The following SYN3 variants were observed in gnomAD, a reference collection of about 807,000 sequenced individuals.
The protein encoded by SYN3 is synapsin-3.
A neutral mutation model predicts 65.8 loss-of-function variants in SYN3; 35 were observed. That is an observed-to-expected ratio of 0.53 (90% CI 0.41 to 0.70). SYN3 has a LOEUF of 0.70. Ranked by LOEUF, SYN3 falls within the 30% of genes least tolerant of loss-of-function variation. SYN3 has a pLI of 0.00. For missense variants in SYN3, 680 were observed against 749.0 expected (o/e 0.91, Z 1.08); for synonymous variants, 270 against 292.9 (o/e 0.92, Z 0.80).
chr22:32,516,727 G>T (rs1398441184), intron 13 of SYN3, among the ~76,000 whole-genome samples: 2 of 152,228 alleles, frequency 1.3e-5, no homozygotes, highest in Non-Finnish European at 2.9e-5. Flanking sequence ...ATAGTTGTTA[G>T]CATGATCCCT....
chr22:32,526,098 T>C (rs1271749328), intron 12 of SYN3, among the ~76,000 whole-genome samples: 1 of 152,240 alleles, frequency 6.6e-6, no homozygotes, highest in Non-Finnish European at 1.5e-5. Flanking sequence ...TTAAGGTATG[T>C]ACTTTGTTTT....
At chr22:32,991,510 C>T (rs953943360) in intron 2 of SYN3, among the ~76,000 whole-genome samples, 10 of 152,134 alleles carry the variant, frequency 6.6e-5, no homozygotes, top group African/African-American at 2.2e-4. Flanking sequence ...GAGGAGGCAT[C>T]GGTTCTCACG....
At chr22:32,891,947 A>G (rs1464758840) in intron 4 of SYN3, among the ~76,000 whole-genome samples, 2 of 151,706 alleles carry the variant, frequency 1.3e-5, no homozygotes, top group Non-Finnish European at 2.9e-5. Flanking sequence ...TTATTTGGAG[A>G]CCAGGTATTG....
chr22:32,663,890 A>T (rs1191964763), intron 6 of SYN3, among the ~76,000 whole-genome samples: 2 of 152,044 alleles, frequency 1.3e-5, no homozygotes, highest in Non-Finnish European at 2.9e-5. Context: ...GAGATAGTGG[A>T]AGGAAAGAAA....
intron 1 of SYN3, among the ~76,000 whole-genome samples, chr22:33,041,344 G>A (rs1277690074): frequency 6.7e-6 from 1 of 149,298 alleles, no homozygotes; most frequent in Non-Finnish European, 1.5e-5. Flanking sequence ...AGGCTGGAGT[G>A]CAGTGGCGCG....
chr22:32,699,141 C>T (rs779864877), intron 6 of SYN3, among the ~76,000 whole-genome samples: 15 of 152,210 alleles, frequency 9.9e-5, no homozygotes, highest in African/African-American at 2.4e-4. Context: ...TTGAGCTTGG[C>T]GGAGCACATT....
chr22:32,897,876 G>C (rs1439899794), intron 4 of SYN3, among the ~76,000 whole-genome samples: 1 of 151,614 alleles, frequency 6.6e-6, no homozygotes, highest in African/African-American at 2.4e-5. Context: ...CTGGAGTGCA[G>C]TGGTGCGATC....
At chr22:32,617,630 C>T (rs975060197) in intron 6 of SYN3, among the ~76,000 whole-genome samples, 7 of 152,128 alleles carry the variant, frequency 4.6e-5, no homozygotes, top group South Asian at 2.1e-4. Context: ...TAAAAAGCCT[C>T]GTAAACTATT....
intron 12 of SYN3, among the ~76,000 whole-genome samples, chr22:32,520,294 TTTTC>T (rs1405310627): frequency 2.6e-5 from 4 of 151,558 alleles, no homozygotes; most frequent in African/African-American, 4.8e-5. Flanking sequence ...CAACACCACT[TTTTC>T]TTTCTGCCTT....
chr22:33,006,704 G>A lies in SYN3; in HGVS notation c.-42C>T. On this transcript the variant is annotated 5_prime_UTR_variant, in exon 2 of 14. Coordinates refer to ENST00000358763, the MANE Select transcript of SYN3 (RefSeq NM_003490.4). Reference sequence around the variant, plus strand: ...AGATGACTGGCTCCTACCCAGACGTGTGTAGGTGAGGCCCAGAAGACAGGC... The same window carrying A: ...AGATGACTGGCTCCTACCCAGACGTATGTAGGTGAGGCCCAGAAGACAGGC... The A allele has an allele frequency of 6.6e-7, 1 of 1,525,560 alleles. No homozygotes were observed. Among genetic ancestry groups the A allele is most frequent in the South Asian group, 1.3e-5 (1 of 77,246 alleles). 94.5% of individuals were successfully genotyped at this position (1,525,560 alleles called of 1,614,324 possible). A position where few individuals can be genotyped will look rare whatever the true frequency, so the allele number is the denominator to read the frequency against.
At chr22:32,519,485 A>G (rs2057839622) in intron 12 of SYN3, 1 of 152,176 alleles carries the variant, frequency 6.6e-6, no homozygotes, top group African/African-American at 2.4e-5. Flanking sequence ...TTCTCACCAC[A>G]TAGAGGTGGA....
chr22:32,741,226 C>T (rs1277045682), intron 6 of SYN3, among the ~76,000 whole-genome samples: 3 of 151,980 alleles, frequency 2.0e-5, no homozygotes, highest in East Asian at 1.9e-4. Context: ...CATGCAGCCA[C>T]ACACAGTAAT....
chr22:32,664,676 C>T (rs1271656765), intron 6 of SYN3, among the ~76,000 whole-genome samples: 4 of 145,356 alleles, frequency 2.8e-5, no homozygotes, highest in Admixed American at 7.0e-5. Flanking sequence ...CTGCAAGCTC[C>T]GCCTCCTGGG....
chr22:33,006,372 G>C lies in SYN3; in HGVS notation c.291C>G (p.Ile97Met), dbSNP rs555294939. 10 of 1,612,610 alleles carry C rather than the reference G, an allele frequency of 6.2e-6. No individual in the cohort carries two copies. Among genetic ancestry groups the C allele is most frequent in the Non-Finnish European group, 8.5e-6 (10 of 1,179,078 alleles). ...IVQRPRILLV[I>M]DDAHTDWSKY... ...CTTACCAGTCTGTATGGGCATCATC[G>C]ATCACCAACAGGATCCTGGGTCTTT... Residue 97 changes from isoleucine to methionine, a missense_variant, in exon 2 of 14, where the codon ATC (isoleucine) becomes ATG (methionine). Coordinates refer to ENST00000358763, the MANE Select transcript of SYN3 (RefSeq NM_003490.4).
intron 3 of SYN3, among the ~76,000 whole-genome samples, chr22:32,959,124 G>C (rs539468375): frequency 6.6e-6 from 1 of 152,258 alleles, no homozygotes; most frequent in South Asian, 2.1e-4. Flanking sequence ...CCCAGTGGGA[G>C]ATAATTGAAT....
rs563952684 is a variant in SYN3 at position 33,039,399 on chromosome 22, A to T, written c.-163+18893T>A. 2.8e-5 allele frequency among the ~76,000 whole-genome samples: 4 copies of T among 143,234 alleles called. No homozygotes were observed. The East Asian group carries it at 8.4e-4, about 30-fold the overall frequency. 94.0% of individuals were successfully genotyped at this position (143,234 alleles called of 152,430 possible). A position where few individuals can be genotyped will look rare whatever the true frequency, so the allele number is the denominator to read the frequency against. ...GACTTTTTTTTTTTTTTTTTGAGAC[A>T]GAGTCTCACTCTGTTACCCAGGCTG... On this transcript the variant is annotated intron_variant, in intron 1 of 13. Coordinates refer to ENST00000358763, the MANE Select transcript of SYN3 (RefSeq NM_003490.4).
chr22:32,990,255 T>C (rs1490452544), intron 2 of SYN3, among the ~76,000 whole-genome samples: 2 of 131,098 alleles, frequency 1.5e-5, no homozygotes, highest in African/African-American at 5.3e-5. Flanking sequence ...TATCCATTCA[T>C]CCACCCAACT....
intron 6 of SYN3, among the ~76,000 whole-genome samples, chr22:32,841,823 A>T (rs1445310519): frequency 6.6e-6 from 1 of 152,138 alleles, no homozygotes; most frequent in Non-Finnish European, 1.5e-5. Flanking sequence ...CATCCTGCAC[A>T]TGTACCCCAG....
intron 6 of SYN3, among the ~76,000 whole-genome samples, chr22:32,627,194 C>T (rs547322855): frequency 3.4e-4 from 51 of 151,908 alleles, no homozygotes; most frequent in African/African-American, 1.1e-3. Context: ...GCTGGGCATC[C>T]GAGCTGGCAC....
Sources: allele counts gnomAD v4.1 joint callset (sites outside exome capture counted in the v4.1 genomes callset), GRCh38; gene constraint gnomAD v4.1.1; transcripts MANE v1.5; gene names NCBI Gene and HGNC (gene_info 2026-07-23, HGNC 2026-07-21).